RP1: variants seen among roughly 807,000 people sequenced by gnomAD.
RP1 encodes oxygen-regulated protein 1.
RP1 carries 16 observed loss-of-function variants against 14.8 expected under a neutral mutation model. The ratio of observed to expected loss-of-function variants is 1.08; its 90% CI spans 0.73 to 1.65. RP1 has a LOEUF of 1.65. Ranked by LOEUF, RP1 falls within the 40% of genes most tolerant of loss-of-function variation. The pLI is 0.00. For missense variants in RP1, 2,631 were observed against 2,535.0 expected (o/e 1.04, Z -0.81); for synonymous variants, 876 against 883.6 (o/e 0.99, Z 0.15).
chr8:54,828,867 TTTC>T (rs1477251697), intron 24 of RP1, among the ~76,000 whole-genome samples: 15 of 146,094 alleles, frequency 1.0e-4, no homozygotes, highest in South Asian at 2.2e-4. Flanking sequence ...TTCTTTCTTC[TTTC>T]TTCTTCTTCT....
intron 3 of RP1, among the ~76,000 whole-genome samples, chr8:54,624,443 C>CAAAAAAA (rs11332494): frequency 5.5e-4 from 31 of 56,580 alleles, no homozygotes; most frequent in Admixed American, 7.9e-4. Context: ...GACTCTGTCT[C>CAAAAAAA]AAAAAAAAAA....
At chr8:54,836,831 A>G (rs892076777) in intron 24 of RP1, among the ~76,000 whole-genome samples, 3 of 151,932 alleles carry the variant, frequency 2.0e-5, no homozygotes, top group African/African-American at 7.2e-5. Flanking sequence ...CAACAGAAAT[A>G]GAAAACTAAT....
chr8:54,751,491 C>G (rs761754296), intron 19 of RP1, among the ~76,000 whole-genome samples: 1 of 152,054 alleles, frequency 6.6e-6, no homozygotes, highest in Non-Finnish European at 1.5e-5. Context: ...CACTGATCCA[C>G]CAAAAAATGA....
rs908458814 is a variant in RP1, at chr8:54,783,843, A to G, written c.3615+133A>G. ...ATTAAATTTGCTTGGTGTATGTGGC[A>G]TGTTTTATCCCATGGGAGCTGGGAA... On this transcript the variant is annotated intron_variant, in intron 24 of 28. Coordinates refer to the RP1 transcript ENST00000637698. The G allele has an allele frequency of 1.2e-5, 6 of 506,844 alleles. No individual in the cohort carries two copies. The Admixed American group carries it at 1.3e-4, about 11-fold the overall frequency. The allele number at this position is 506,844 out of a possible 1,614,324, so 31.4% of individuals were successfully genotyped here.
At chr8:54,671,803 A>T (rs1475970366) in intron 7 of RP1, among the ~76,000 whole-genome samples, 1 of 152,128 alleles carries the variant, frequency 6.6e-6, no homozygotes, top group Non-Finnish European at 1.5e-5. Context: ...AATTTCTATC[A>T]GGAAGTTTAG....
chr8:54,574,544 G>A (rs982355823), intron 1 of RP1, among the ~76,000 whole-genome samples: 1 of 152,124 alleles, frequency 6.6e-6, no homozygotes, highest in Non-Finnish European at 1.5e-5. Flanking sequence ...ACAAATATTG[G>A]GAGATGTAGC....
intron 1 of RP1, among the ~76,000 whole-genome samples, chr8:54,618,781 G>A (rs1027205366): frequency 3.3e-5 from 5 of 151,980 alleles, no homozygotes; most frequent in African/African-American, 1.2e-4. Context: ...TCAGCCTCCC[G>A]AGTAGAGTAG....
At chr8:54,772,513 G>C (rs1308636292), downstream of RP1, among the ~76,000 whole-genome samples, 1 of 152,166 alleles carries the variant, frequency 6.6e-6, no homozygotes, top group Non-Finnish European at 1.5e-5. Flanking sequence ...TAGAAGCAGT[G>C]ATGGTAACAT....
chr8:54,575,002 C>T (rs1381656882), intron 1 of RP1, among the ~76,000 whole-genome samples: 2 of 152,148 alleles, frequency 1.3e-5, no homozygotes, highest in Non-Finnish European at 2.9e-5. Flanking sequence ...CTTCCACTGC[C>T]GTCAAGTACA....
At chr8:54,796,485 T>A (rs963928140) in intron 24 of RP1, among the ~76,000 whole-genome samples, 2 of 152,184 alleles carry the variant, frequency 1.3e-5, no homozygotes, top group African/African-American at 4.8e-5. Context: ...CAGATTTAAT[T>A]ATGATGTAAG....
In RP1 at chr8:54,734,212, C is replaced by T. The variant is rs572581849; in HGVS notation, c.2522-333C>T. 3.3e-5 allele frequency among the ~76,000 whole-genome samples: 5 copies of T among 152,204 alleles called. No homozygotes were observed. In the East Asian group the frequency reaches 5.8e-4, roughly 18 times the overall value. On this transcript the variant is annotated intron_variant, in intron 17 of 22. Coordinates refer to the RP1 transcript ENST00000636932. ...TTCTATATAAAATATGTAGGTCAAG[C>T]AGGCAGCTTTATGAAAAATCTGTGG... is the stretch of plus-strand genomic sequence containing the variant.
At chr8:54,693,541 G>C (rs1807773630) in intron 12 of RP1, among the ~76,000 whole-genome samples, 2 of 152,118 alleles carry the variant, frequency 1.3e-5, no homozygotes, top group African/African-American at 4.8e-5. Flanking sequence ...CCTGTCCCTT[G>C]TAAGTTGAAT....
intron 12 of RP1, among the ~76,000 whole-genome samples, chr8:54,694,263 T>C (rs762954936): frequency 1.3e-5 from 2 of 152,198 alleles, no homozygotes; most frequent in Non-Finnish European, 2.9e-5. Flanking sequence ...TCATCGAGGA[T>C]ATTGGTCTAA....
At chr8:54,726,499 A>G (rs988500571) in intron 17 of RP1, 4 of 1,513,200 alleles carry the variant, frequency 2.6e-6, no homozygotes, top group Non-Finnish European at 3.5e-6. Flanking sequence ...TTTTGCTTTC[A>G]TACTTTTGGT....
intron 1 of RP1, among the ~76,000 whole-genome samples, chr8:54,593,291 A>G (rs1479265058): frequency 1.3e-5 from 2 of 151,994 alleles, no homozygotes; most frequent in Non-Finnish European, 2.9e-5. Context: ...TCATTATAGA[A>G]CCACCATTTT....
chr8:54,786,053 G>A (rs1390617613), intron 24 of RP1, among the ~76,000 whole-genome samples: 1 of 151,966 alleles, frequency 6.6e-6, no homozygotes. Context: ...AAAAAAATAT[G>A]TTTTACAATT....
intron 5 of RP1, among the ~76,000 whole-genome samples, chr8:54,653,349 A>G (rs897663334): frequency 6.6e-6 from 1 of 152,188 alleles, no homozygotes; most frequent in Non-Finnish European, 1.5e-5. Context: ...GAAACATCCT[A>G]CTTATTAGCA....
rs1033252278 is a variant in RP1, at chr8:54,606,898, G to T, written c.-12-14057G>T. Reference sequence around the variant, plus strand: ...GTGCCATGGTTTTCAGCTCCATCAGGTCCTTTAAGGACTTCTCTGTATTGG... The same window carrying T: ...GTGCCATGGTTTTCAGCTCCATCAGTTCCTTTAAGGACTTCTCTGTATTGG... On this transcript the variant is annotated intron_variant, in intron 1 of 22. Transcript: ENST00000636932. Among the ~76,000 whole-genome samples the T allele has an allele frequency of 3.3e-5, 5 of 152,198 alleles. No homozygotes were observed. In the East Asian group the frequency reaches 7.7e-4, roughly 23 times the overall value.
intron 1 of RP1, among the ~76,000 whole-genome samples, chr8:54,572,679 G>A (rs979147526): frequency 2.6e-5 from 4 of 152,092 alleles, no homozygotes; most frequent in South Asian, 2.1e-4. Flanking sequence ...GCCTCTGCAC[G>A]GAAGAAACAT....
Sources: gnomAD v4.1 joint callset for allele counts (sites outside exome capture counted in the v4.1 genomes callset) on GRCh38, gnomAD v4.1.1 for gene constraint, MANE v1.5 for transcripts, NCBI Gene and HGNC (gene_info 2026-07-23, HGNC 2026-07-21) for gene names.